The following PTPRM variants were observed in gnomAD, a reference collection of about 807,000 sequenced individuals.
PTPRM encodes protein tyrosine phosphatase receptor type M.
A neutral mutation model predicts 186.7 loss-of-function variants in PTPRM; 47 were observed. The observed-to-expected ratio is 0.25, with a 90% confidence interval of 0.20 to 0.32. PTPRM has a LOEUF of 0.32. Ranked by LOEUF, PTPRM falls within the 10% of genes least tolerant of loss-of-function variation. The probability of loss-of-function intolerance (pLI) is 1.00; values close to 1 mark genes in which losing one functional copy is unlikely to be tolerated. For missense variants in PTPRM, 1,494 were observed against 1,865.0 expected (o/e 0.80, Z 3.66); for synonymous variants, 668 against 674.9 (o/e 0.99, Z 0.16).
At chr18:7,776,726 A>T (rs974925098) in intron 2 of PTPRM, among the ~76,000 whole-genome samples, 4 of 152,152 alleles carry the variant, frequency 2.6e-5, no homozygotes, top group African/African-American at 9.7e-5. Context: ...TGTGCTATAG[A>T]CTGGAAGTGT....
intron 2 of PTPRM, among the ~76,000 whole-genome samples, chr18:7,878,883 A>G (rs2048364843): frequency 6.6e-6 from 1 of 152,194 alleles, no homozygotes; most frequent in Non-Finnish European, 1.5e-5. Context: ...ATCAATGAAA[A>G]ACTTGACGTA....
At position 8,321,412 on chromosome 18, in the gene PTPRM, TTC is replaced by T. The variant is rs574800365; in HGVS notation, c.2956+2204_2956+2205del. Among the ~76,000 whole-genome samples the T allele has an allele frequency of 4.3e-3, 657 of 152,204 alleles. 3 individuals are homozygous for T. The highest frequency in any genetic ancestry group is 6.5e-3 in the Non-Finnish European group (443 of 68,002). On this transcript the variant is annotated intron_variant, in intron 22 of 32. Coordinates refer to ENST00000580170, the MANE Select transcript of PTPRM (RefSeq NM_001105244.2). ...TACCAGGCTTCCTTCCCTTTGTCCA[TTC>T]TCTCTGCCCCTCTCCCCCTGTAAGA...
At chr18:8,231,320 C>T (rs948630578) in intron 14 of PTPRM, among the ~76,000 whole-genome samples, 3 of 152,112 alleles carry the variant, frequency 2.0e-5, no homozygotes, top group Non-Finnish European at 2.9e-5. Context: ...ATACCCATGG[C>T]AGACGGGCCC....
intron 13 of PTPRM, among the ~76,000 whole-genome samples, chr18:8,140,388 A>G (rs1006054991): frequency 7.2e-5 from 11 of 151,892 alleles, no homozygotes; most frequent in Admixed American, 5.3e-4. Context: ...TTTTCTGCCA[A>G]GTTGAAAACC....
chr18:8,136,722 T>C (rs1270002991), intron 13 of PTPRM, among the ~76,000 whole-genome samples: 1 of 152,124 alleles, frequency 6.6e-6, no homozygotes, highest in Non-Finnish European at 1.5e-5. Flanking sequence ...AGAAAAACAA[T>C]AATATGTAAT....
chr18:7,713,186 A>G (rs1377780566), intron 1 of PTPRM, among the ~76,000 whole-genome samples: 1 of 152,234 alleles, frequency 6.6e-6, no homozygotes, highest in Non-Finnish European at 1.5e-5. Flanking sequence ...CAGAAACCCT[A>G]CAATCCAGAA....
At chr18:8,024,353 G>T (rs1243087454) in intron 7 of PTPRM, among the ~76,000 whole-genome samples, 3 of 152,062 alleles carry the variant, frequency 2.0e-5, no homozygotes, top group African/African-American at 7.2e-5. Context: ...CTGATCGATT[G>T]TTCACAGTTT....
chr18:7,796,135 C>T (rs2043631475), intron 2 of PTPRM, among the ~76,000 whole-genome samples: 1 of 151,012 alleles, frequency 6.6e-6, no homozygotes, highest in Non-Finnish European at 1.5e-5. Flanking sequence ...TCAAACACCA[C>T]ACAGCAATAA....
At chr18:7,940,659 G>A (rs981975631) in intron 5 of PTPRM, among the ~76,000 whole-genome samples, 1 of 152,002 alleles carries the variant, frequency 6.6e-6, no homozygotes, top group Non-Finnish European at 1.5e-5. Flanking sequence ...GAGTGCCTGA[G>A]GATGGGAGGA....
chr18:8,209,082 G>C (rs1309856291), intron 14 of PTPRM, among the ~76,000 whole-genome samples: 2 of 152,192 alleles, frequency 1.3e-5, no homozygotes, highest in South Asian at 2.1e-4. Flanking sequence ...CTTTTATTCT[G>C]AATGCAATGG....
chr18:7,945,113 C>T (rs1471918697), intron 5 of PTPRM, among the ~76,000 whole-genome samples: 4 of 151,972 alleles, frequency 2.6e-5, no homozygotes, highest in Non-Finnish European at 4.4e-5. Flanking sequence ...CTTGAACTAG[C>T]ACACTCAGCC....
At chr18:7,841,284 T>TC in intron 2 of PTPRM, among the ~76,000 whole-genome samples, 2 of 121,856 alleles carry the variant, frequency 1.6e-5, no homozygotes, top group Non-Finnish European at 3.3e-5. Context: ...ATCATTTCTT[T>TC]TTTTTTTTTT....
Position 7,567,966 on chromosome 18 carries a change from G to C in PTPRM, c.73+75G>C, listed in dbSNP as rs2036468010. ...ACGCCCGGGACGCCGACAGCTCCCT[G>C]GTGGTAGAGCCCTAAGGCTGGCGTC... On this transcript the variant is annotated intron_variant, in intron 1 of 32. Coordinates refer to ENST00000580170, the MANE Select transcript of PTPRM (RefSeq NM_001105244.2). The surrounding 1 kb of genome is among the most constrained non-coding windows in gnomAD (Gnocchi z 4.3). 1.7e-5 allele frequency: 24 copies of C among 1,423,746 alleles called. No individual in the cohort carries two copies. In the South Asian group the frequency reaches 3.1e-4, roughly 19 times the overall value. The allele number at this position is 1,423,746 out of a possible 1,614,324, so 88.2% of individuals were successfully genotyped here.
At chr18:7,845,430 C>A (rs112461839) in intron 2 of PTPRM, among the ~76,000 whole-genome samples, 1 of 152,100 alleles carries the variant, frequency 6.6e-6, no homozygotes, top group African/African-American at 2.4e-5. Context: ...TTTTGTGAAG[C>A]AGTGTAACCA....
chr18:7,711,801 G>A (rs1337205900), intron 1 of PTPRM, among the ~76,000 whole-genome samples: 1 of 152,124 alleles, frequency 6.6e-6, no homozygotes, highest in African/African-American at 2.4e-5. Context: ...TCTCTGGGCA[G>A]GGCATCTCTG....
At chr18:8,202,924 C>T (rs896472363) in intron 14 of PTPRM, among the ~76,000 whole-genome samples, 2 of 152,210 alleles carry the variant, frequency 1.3e-5, no homozygotes, top group Non-Finnish European at 2.9e-5. Flanking sequence ...CACAGGCCTC[C>T]TCTTCTTCCA....
chr18:7,667,313 C>A (rs2039118543), intron 1 of PTPRM, among the ~76,000 whole-genome samples: 2 of 152,182 alleles, frequency 1.3e-5, no homozygotes, highest in African/African-American at 4.8e-5. Flanking sequence ...CAAAACAGGT[C>A]AGCTCTAAGA....
intron 3 of PTPRM, among the ~76,000 whole-genome samples, chr18:7,890,287 G>A (rs1341212848): frequency 6.6e-6 from 1 of 152,116 alleles, no homozygotes; most frequent in Non-Finnish European, 1.5e-5. Context: ...CTAGACATAG[G>A]GAAGGGAAAG....
chr18:8,347,759 C>T (rs756830213), intron 23 of PTPRM, among the ~76,000 whole-genome samples: 4 of 151,896 alleles, frequency 2.6e-5, no homozygotes, highest in Non-Finnish European at 5.9e-5. Context: ...AATCTAAGTC[C>T]GTAGATTTAA....
Sources: allele counts gnomAD v4.1 joint callset (sites outside exome capture counted in the v4.1 genomes callset), GRCh38; gene constraint gnomAD v4.1.1; non-coding constraint Gnocchi (gnomAD v3.1); transcripts MANE v1.5; gene names NCBI Gene and HGNC (gene_info 2026-07-23, HGNC 2026-07-21).